The following OTUD7B variants were observed in gnomAD, a reference collection of about 807,000 sequenced individuals.
The protein encoded by OTUD7B is OTU deubiquitinase 7B, also known as OTU domain-containing protein 7B.
Under a neutral mutation model 82.2 loss-of-function variants are expected in OTUD7B, and 34 were observed. The ratio of observed to expected loss-of-function variants is 0.41; its 90% CI spans 0.31 to 0.55. OTUD7B has a LOEUF of 0.55. Ranked by LOEUF, OTUD7B falls within the 20% of genes least tolerant of loss-of-function variation. The probability of loss-of-function intolerance (pLI) is 0.20; values close to 1 mark genes in which losing one functional copy is unlikely to be tolerated. For missense variants in OTUD7B, 944 were observed against 1,062.1 expected (o/e 0.89, Z 1.55); for synonymous variants, 398 against 402.7 (o/e 0.99, Z 0.14).
intron 7 of OTUD7B, among the ~76,000 whole-genome samples, chr1:149,958,723 C>T (rs1553775057): frequency 7.2e-6 from 1 of 139,304 alleles, no homozygotes; most frequent in African/African-American, 2.7e-5. Context: ...CTTATGATGT[C>T]CACACATCCC....
the OTUD7B span, among the ~76,000 whole-genome samples, chr1:150,030,324 A>T: frequency 1.3e-5 from 2 of 152,062 alleles, no homozygotes; most frequent in African/African-American, 4.8e-5. Context: ...TTACAGCTGA[A>T]TCTATCCTTA....
intron 1 of OTUD7B, among the ~76,000 whole-genome samples, chr1:149,991,956 A>G (rs1651594400): frequency 6.6e-6 from 1 of 152,238 alleles, no homozygotes; most frequent in South Asian, 2.1e-4. Context: ...GGGGCAGGGC[A>G]CGGTGGCTCA....
intron 2 of OTUD7B, among the ~76,000 whole-genome samples, chr1:149,974,529 C>T (rs202081016): frequency 8.1e-5 from 11 of 135,656 alleles, no homozygotes; most frequent in South Asian, 4.4e-4. Context: ...TTTTATTTTT[C>T]TTCTTTTTTT....
At chr1:149,977,385 T>C (rs1223784122) in intron 2 of OTUD7B, 41 bp downstream of exon 2, 2 of 1,397,768 alleles carry the variant, frequency 1.4e-6, no homozygotes, top group African/African-American at 2.8e-5. Flanking sequence ...AAATACCACA[T>C]TTTACTTTCT....
chr1:149,953,341 A>C (rs1263679043), intron 7 of OTUD7B, among the ~76,000 whole-genome samples: 1 of 152,214 alleles, frequency 6.6e-6, no homozygotes, highest in African/African-American at 2.4e-5. Context: ...CAGGTTTGTC[A>C]AAGATCAGAT....
intron 7 of OTUD7B, 144 bp from the exon 8 acceptor site, chr1:149,950,365 T>G: frequency 1.3e-6 from 1 of 743,180 alleles, no homozygotes. Flanking sequence ...GCCACTGATA[T>G]AGCTGATTAT....
the OTUD7B span, among the ~76,000 whole-genome samples, chr1:150,057,007 G>C: frequency 6.6e-6 from 1 of 152,128 alleles, no homozygotes; most frequent in Non-Finnish European, 1.5e-5. Flanking sequence ...TTTTACAGTG[G>C]AGAAAGCCTG....
chr1:149,992,568 C>T (rs1292548383), intron 1 of OTUD7B, among the ~76,000 whole-genome samples: 3 of 145,362 alleles, frequency 2.1e-5, no homozygotes, highest in Non-Finnish European at 3.0e-5. Context: ...CTCGGCCTCC[C>T]GGGTTCAAGT....
At chr1:149,988,613 GGA>G (rs1479822207) in intron 1 of OTUD7B, among the ~76,000 whole-genome samples, 2 of 152,102 alleles carry the variant, frequency 1.3e-5, no homozygotes, top group Non-Finnish European at 2.9e-5. Context: ...ATGGGGGCAG[GGA>G]GAGTCATACA....
chr1:149,940,453 A>G lies in OTUD7B; in HGVS notation c.*3404T>C, dbSNP rs587684803. ...AGGGAGAAGCGGAGGCCTATCCTAC[A>G]GTAATACTTACTCCATTGGAGATGG... On this transcript the variant is annotated 3_prime_UTR_variant, in exon 12 of 12. Coordinates refer to ENST00000581312, the MANE Select transcript of OTUD7B (RefSeq NM_020205.4). 63 of 152,348 alleles carry G rather than the reference A, an allele frequency of 4.1e-4. No individual in the cohort carries two copies. Among genetic ancestry groups the G allele is most frequent in the African/African-American group, 1.5e-3 (63 of 41,568 alleles). 9.4% of individuals were successfully genotyped at this position (152,348 alleles called of 1,614,324 possible). A position where few individuals can be genotyped will look rare whatever the true frequency, so the allele number is the denominator to read the frequency against.
At chr1:149,994,223 C>T (rs1370443785) in intron 1 of OTUD7B, among the ~76,000 whole-genome samples, 1 of 151,462 alleles carries the variant, frequency 6.6e-6, no homozygotes, top group Non-Finnish European at 1.5e-5. Flanking sequence ...GTATTATTAC[C>T]TCATTCACTG....
chr1:149,983,021 AT>A (rs1553780094), intron 1 of OTUD7B, among the ~76,000 whole-genome samples: 1 of 151,318 alleles, frequency 6.6e-6, no homozygotes, highest in African/African-American at 2.4e-5. Context: ...CACCCAGCTA[AT>A]TTTTTTGTAT....
At chr1:149,985,128 C>A (rs904346920) in intron 1 of OTUD7B, among the ~76,000 whole-genome samples, 3 of 152,196 alleles carry the variant, frequency 2.0e-5, no homozygotes, top group Non-Finnish European at 2.9e-5. Context: ...TATACAGAGG[C>A]CAGGCACAGT....
upstream of OTUD7B, among the ~76,000 whole-genome samples, chr1:150,012,215 T>C (rs1653105766): frequency 6.6e-6 from 1 of 152,134 alleles, no homozygotes; most frequent in Non-Finnish European, 1.5e-5. Context: ...CTAACTGAAC[T>C]CTAACTGAAC....
chr1:150,009,635 A>G (rs1287297687), intron 1 of OTUD7B, among the ~76,000 whole-genome samples: 1 of 152,142 alleles, frequency 6.6e-6, no homozygotes, highest in Admixed American at 6.5e-5. Flanking sequence ...TTACATCTTT[A>G]TTGTGCCCAG....
At position 149,944,690 on chromosome 1, in the gene OTUD7B, C is replaced by T. The variant is rs1369478505; in HGVS notation, c.1699G>A (p.Ala567Thr). ...TTCTCAGACACAGGCCCATCCCCAG[C>T]TGCCTCCTCCTTGCCACCCTTCCAG... ...KSWKGGKEEA[A>T]GDGPVSEKPP... The change falls in exon 12 of 12, where the codon GCT becomes ACT. Residue 567 changes from alanine (A) to threonine (T), a missense_variant. This residue lies in a region of OTUD7B where 412 missense variants were observed against 418.7 expected (regional missense o/e 0.98). Transcript: ENST00000581312. 3 of 1,613,776 alleles carry T rather than the reference C, an allele frequency of 1.9e-6. No homozygotes were observed. The African/African-American group carries it at 4.0e-5, about 22-fold the overall frequency.
At chr1:149,977,707 A>G in intron 1 of OTUD7B, 131 bp from the exon 2 acceptor site, 1 of 532,110 alleles carries the variant, frequency 1.9e-6, no homozygotes, top group Non-Finnish European at 3.4e-6. Context: ...TTTAAAATAC[A>G]GCACTTTAAA....
At chr1:149,971,430 C>T (rs186231788) in intron 2 of OTUD7B, among the ~76,000 whole-genome samples, 179 bp from the exon 3 acceptor site, 2 of 152,162 alleles carry the variant, frequency 1.3e-5, no homozygotes, top group Admixed American at 1.3e-4. Flanking sequence ...AATGTCTTTA[C>T]TTACTTATTT....
At chr1:149,964,033 C>G (rs1346159812) in intron 6 of OTUD7B, 189 bp downstream of exon 6, 2 of 585,096 alleles carry the variant, frequency 3.4e-6, no homozygotes, top group Non-Finnish European at 6.0e-6. Flanking sequence ...TGCCCACCAC[C>G]AGTTCTCATG....
Sources: allele counts gnomAD v4.1 joint callset (sites outside exome capture counted in the v4.1 genomes callset), GRCh38; gene constraint gnomAD v4.1.1; regional missense constraint gnomAD v4.1.1; transcripts MANE v1.5; gene names NCBI Gene and HGNC (gene_info 2026-07-23, HGNC 2026-07-21).